Variants in IL26 observed in about 807,000 individuals in gnomAD.
The protein encoded by IL26 is interleukin-26.
In IL26, 23 loss-of-function variants were observed where a neutral mutation model predicts 21.7. That is an observed-to-expected ratio of 1.06 (90% CI 0.76 to 1.50). The LOEUF is 1.50. IL26 is among the 40% of genes most tolerant of loss of function. The pLI is 0.00. For synonymous variants in IL26, 63 were observed against 67.8 expected (o/e 0.93, Z 0.34); for missense variants, 204 against 196.0 (o/e 1.04, Z -0.24).
At chr12:68,206,173 T>G (rs932952643) in intron 3 of IL26, among the ~76,000 whole-genome samples, 1 of 152,248 alleles carries the variant, frequency 6.6e-6, no homozygotes, top group East Asian at 1.9e-4. Flanking sequence ...GTTTCAGGCT[T>G]GATGACTTTC....
chr12:68,223,506 T>C (rs1869123167), intron 3 of IL26, among the ~76,000 whole-genome samples: 1 of 152,194 alleles, frequency 6.6e-6, no homozygotes, highest in Non-Finnish European at 1.5e-5. Context: ...ATGTGTTCTC[T>C]AGCTATTTGG....
intron 3 of IL26, among the ~76,000 whole-genome samples, chr12:68,208,327 A>C (rs1342371173): frequency 6.6e-6 from 1 of 152,102 alleles, no homozygotes; most frequent in African/African-American, 2.4e-5. Context: ...GCGCAGAGAT[A>C]ATTTAAACAC....
rs777786272 is a variant in IL26 at position 68,225,806 on chromosome 12, C to G, written c.-50G>C. 6.3e-7 allele frequency: 1 copy of G among 1,586,652 alleles called. No homozygotes were observed. Among genetic ancestry groups the G allele is most frequent in the Non-Finnish European group, 8.6e-7 (1 of 1,160,046 alleles). ...GTCACTCACAGCAGCCCAAGAGATA[C>G]TAATGCCGGTTAGATGAGAGGATAA... On this transcript the variant is annotated 5_prime_UTR_variant, in exon 1 of 5. Coordinates refer to ENST00000229134, the MANE Select transcript of IL26 (RefSeq NM_018402.2).
intron 3 of IL26, among the ~76,000 whole-genome samples, chr12:68,222,506 T>A (rs1176028364): frequency 6.6e-6 from 1 of 152,130 alleles, no homozygotes; most frequent in Non-Finnish European, 1.5e-5. Context: ...CCCCTCAGAA[T>A]CCTGTTTAGC....
chr12:68,224,159 C>G (rs2120481017), intron 3 of IL26, among the ~76,000 whole-genome samples: 1 of 152,168 alleles, frequency 6.6e-6, no homozygotes, highest in Admixed American at 6.5e-5. Context: ...ACCTTTGTAC[C>G]ATCTGCAAGC....
At position 68,225,386 on chromosome 12, in the gene IL26, G is replaced by C. The variant is rs370983192; in HGVS notation, c.228+58C>G. ...CTCTCTGAAAAAAATTTAAATGCAG[G>C]GGGAAATAAACATCAAATAAGTGGA... On this transcript the variant is annotated intron_variant, in intron 2 of 4. Transcript: ENST00000229134. 22 of 1,516,680 alleles carry C rather than the reference G, an allele frequency of 1.5e-5. No individual in the cohort carries two copies. The African/African-American group carries it at 2.0e-4, about 14-fold the overall frequency. The allele number at this position is 1,516,680 out of a possible 1,614,324, so 94.0% of individuals were successfully genotyped here.
chr12:68,203,153 G>A (rs1868434356), intron 3 of IL26, among the ~76,000 whole-genome samples: 1 of 152,168 alleles, frequency 6.6e-6, no homozygotes, highest in African/African-American at 2.4e-5. Context: ...CGAGCAGCTG[G>A]CTTGTAGGCT....
At chr12:68,222,990 G>C (rs1869101727) in intron 3 of IL26, among the ~76,000 whole-genome samples, 1 of 151,952 alleles carries the variant, frequency 6.6e-6, no homozygotes, top group Admixed American at 6.5e-5. Flanking sequence ...TCATAGAGTA[G>C]GTGCTCAGTT....
In IL26 at chr12:68,214,679, G is replaced by T. The variant is rs190865992; in HGVS notation, c.363+10470C>A. On this transcript the variant is annotated intron_variant, in intron 3 of 4. Coordinates refer to ENST00000229134, the MANE Select transcript of IL26 (RefSeq NM_018402.2). The stretch of plus-strand genomic sequence containing the variant: ...TCTTTTTTTGGTTTCCATTTGCATG[G>T]AATATCTTTTATCCATTCCTTAACT... 5.4e-3 allele frequency among the ~76,000 whole-genome samples: 823 copies of T among 152,160 alleles called. 7 individuals carry two copies. Among genetic ancestry groups the T allele is most frequent in the African/African-American group, 0.018 (754 of 41,516 alleles).
chr12:68,208,745 C>T (rs1868617295), intron 3 of IL26, among the ~76,000 whole-genome samples: 2 of 152,144 alleles, frequency 1.3e-5, no homozygotes, highest in South Asian at 4.1e-4. Flanking sequence ...AAGTGATCCA[C>T]CCGCCTCTGC....
intron 3 of IL26, among the ~76,000 whole-genome samples, chr12:68,202,698 C>T (rs531525768): frequency 3.5e-4 from 54 of 152,280 alleles, no homozygotes; most frequent in Middle Eastern, 6.8e-3. Flanking sequence ...CGTCAGGTCC[C>T]TCCCTCCACA....
chr12:68,202,149 T>C (rs1419377421), intron 3 of IL26, 66 bp from the exon 4 acceptor site: 5 of 1,037,442 alleles, frequency 4.8e-6, no homozygotes, highest in Non-Finnish European at 7.1e-6. Context: ...CTTTCATTCA[T>C]TCAACAAATA....
intron 3 of IL26, among the ~76,000 whole-genome samples, chr12:68,207,626 T>C (rs1170028568): frequency 6.6e-6 from 1 of 152,190 alleles, no homozygotes; most frequent in Non-Finnish European, 1.5e-5. Flanking sequence ...ACATTACTCA[T>C]TGGTAATGTG....
intron 3 of IL26, among the ~76,000 whole-genome samples, chr12:68,223,947 A>C (rs1381319259): frequency 7.0e-6 from 1 of 143,758 alleles, no homozygotes; most frequent in South Asian, 2.2e-4. Flanking sequence ...TCACACTCAT[A>C]AAATGCCTCA....
chr12:68,215,713 G>A (rs977932135), intron 3 of IL26, among the ~76,000 whole-genome samples: 1 of 152,032 alleles, frequency 6.6e-6, no homozygotes, highest in Admixed American at 6.5e-5. Context: ...TGTTGCTGAG[G>A]CTGGAGAGCA....
chr12:68,220,827 G>A (rs7961534), intron 3 of IL26, among the ~76,000 whole-genome samples: 33,531 of 152,110 alleles, frequency 0.22, 4,887 homozygotes, highest in East Asian at 0.56. Flanking sequence ...TCTTGAGATG[G>A]GGTTTTGCCA....
At position 68,201,875 on chromosome 12, in the gene IL26, C is replaced by A. The variant is rs763803766; in HGVS notation, c.486G>T (p.Trp162Cys). 2 of 1,596,730 alleles carry A rather than the reference C, an allele frequency of 1.3e-6. No individual in the cohort carries two copies. Among genetic ancestry groups the A allele is most frequent in the Admixed American group, 3.6e-5 (2 of 55,348 alleles). The change falls in exon 5 of 5, where the codon TGG becomes TGT. Residue 162 changes from tryptophan to cysteine, a missense_variant. Transcript: ENST00000229134. ...AISELDILLSWIKKLLESSQ is the reference protein window; with the variant it reads ...AISELDILLSCIKKLLESSQ ...GACTGCTTTCCAATAATTTTTTAATCCAGGAAAGAAGAATATCCAGTTCAC... is the reference window on the plus strand; with the variant it reads ...GACTGCTTTCCAATAATTTTTTAATACAGGAAAGAAGAATATCCAGTTCAC...
intron 3 of IL26, among the ~76,000 whole-genome samples, chr12:68,222,987 G>GT (rs1260762805): frequency 6.6e-6 from 1 of 151,994 alleles, no homozygotes; most frequent in African/African-American, 2.4e-5. Context: ...GATTCATAGA[G>GT]TAGGTGCTCA....
At chr12:68,217,376 G>T (rs975673297) in intron 3 of IL26, among the ~76,000 whole-genome samples, 9 of 152,150 alleles carry the variant, frequency 5.9e-5, no homozygotes, top group Admixed American at 1.3e-4. Flanking sequence ...AATTTCATGA[G>T]TTAATAATGA....
Sources: gnomAD v4.1 joint callset for allele counts (sites outside exome capture counted in the v4.1 genomes callset) on GRCh38, gnomAD v4.1.1 for gene constraint, MANE v1.5 for transcripts, NCBI Gene and HGNC (gene_info 2026-07-23, HGNC 2026-07-21) for gene names.